Variants in IRAK1BP1 observed in about 807,000 individuals in gnomAD.
The protein encoded by IRAK1BP1 is interleukin 1 receptor associated kinase 1 binding protein 1, also known as interleukin-1 receptor-associated kinase 1-binding protein 1.
A neutral mutation model predicts 28.0 loss-of-function variants in IRAK1BP1; 24 were observed. That is an observed-to-expected ratio of 0.86 (90% CI 0.62 to 1.20). The LOEUF (loss-of-function observed/expected upper bound fraction) is 1.20. IRAK1BP1 is among the 50% of genes most tolerant of loss of function. IRAK1BP1 has a pLI of 0.00. For missense variants in IRAK1BP1, 336 were observed against 316.7 expected (o/e 1.06, Z -0.46); for synonymous variants, 131 against 116.3 (o/e 1.13, Z -0.81).
chr6:78,960,238 T>C, the IRAK1BP1 span, among the ~76,000 whole-genome samples: 1 of 152,202 alleles, frequency 6.6e-6, no homozygotes, highest in Admixed American at 6.6e-5. Context: ...GCAATTATCA[T>C]GTTGAGCAAT....
chr6:78,936,948 A>C (rs1346814232), intron 4 of IRAK1BP1: 1 of 151,822 alleles, frequency 6.6e-6, no homozygotes, highest in Non-Finnish European at 1.5e-5. Context: ...GTATTTTTCA[A>C]ATTTTAATGG....
At chr6:78,904,859 T>C (rs537086972), downstream of IRAK1BP1, among the ~76,000 whole-genome samples, 1 of 152,316 alleles carries the variant, frequency 6.6e-6, no homozygotes, top group Non-Finnish European at 1.5e-5. Context: ...ATATATCAAA[T>C]ATTTCACTAG....
the IRAK1BP1 span, chr6:78,961,593 T>C: frequency 8.5e-7 from 1 of 1,181,294 alleles, no homozygotes; most frequent in Non-Finnish European, 1.2e-6. Flanking sequence ...TGTGCATTCC[T>C]ATATACAAAA....
At chr6:78,929,655 G>A (rs188922002) in intron 4 of IRAK1BP1, among the ~76,000 whole-genome samples, 24 of 152,058 alleles carry the variant, frequency 1.6e-4, no homozygotes, top group African/African-American at 5.6e-4. Context: ...TAACAAACTT[G>A]CTCATGTACC....
At chr6:78,973,207 A>T in the IRAK1BP1 span, among the ~76,000 whole-genome samples, 1 of 152,140 alleles carries the variant, frequency 6.6e-6, no homozygotes, top group Non-Finnish European at 1.5e-5. Flanking sequence ...GCCAGAAGAG[A>T]GTGGGGGCCA....
intron 2 of IRAK1BP1, among the ~76,000 whole-genome samples, chr6:78,891,443 T>C (rs553349471): frequency 6.6e-6 from 1 of 151,644 alleles, no homozygotes; most frequent in East Asian, 1.9e-4. Context: ...TTTCATGTTA[T>C]AACCTTAGTG....
chr6:78,874,941 A>G (rs1770940953), intron 1 of IRAK1BP1, among the ~76,000 whole-genome samples: 1 of 152,200 alleles, frequency 6.6e-6, no homozygotes, highest in South Asian at 2.1e-4. Context: ...GAAACTATCA[A>G]CAGAGTAAAC....
At chr6:78,946,856 G>A (rs1281832622), downstream of IRAK1BP1, 2 of 1,566,254 alleles carry the variant, frequency 1.3e-6, no homozygotes, top group Non-Finnish European at 1.7e-6. Context: ...GCAGACAGGC[G>A]CAAACTCATG....
At chr6:78,891,439 G>C (rs980926777) in intron 2 of IRAK1BP1, among the ~76,000 whole-genome samples, 6 of 151,370 alleles carry the variant, frequency 4.0e-5, no homozygotes, top group African/African-American at 1.5e-4. Flanking sequence ...TTATTTTCAT[G>C]TTATAACCTT....
intron 4 of IRAK1BP1, among the ~76,000 whole-genome samples, chr6:78,909,930 T>C (rs1772359726): frequency 6.6e-6 from 1 of 152,214 alleles, no homozygotes; most frequent in Non-Finnish European, 1.5e-5. Context: ...TGGCATCTTT[T>C]CATTACAGTA....
Position 78,902,810 on chromosome 6 carries a change from A to G in IRAK1BP1, c.*4476A>G. The G allele has an allele frequency of 3.7e-6, 1 of 272,874 alleles. No homozygotes were observed. The allele number at this position is 272,874 out of a possible 1,614,324, so 16.9% of individuals were successfully genotyped here. ...TACATACATACATACATACATACATACATACATACATAAAATGCCCAGTAT... is the reference window on the plus strand; with the variant it reads ...TACATACATACATACATACATACATGCATACATACATAAAATGCCCAGTAT... On this transcript the variant is annotated 3_prime_UTR_variant, in exon 4 of 4. Coordinates refer to ENST00000369940, the MANE Select transcript of IRAK1BP1 (RefSeq NM_001010844.4).
chr6:78,883,090 C>G (rs1771287990), intron 1 of IRAK1BP1, among the ~76,000 whole-genome samples: 1 of 152,160 alleles, frequency 6.6e-6, no homozygotes, highest in Admixed American at 6.6e-5. Flanking sequence ...GATCCTATCT[C>G]TACAAAAATT....
chr6:78,928,587 T>C (rs1772954942), intron 4 of IRAK1BP1, among the ~76,000 whole-genome samples: 1 of 152,098 alleles, frequency 6.6e-6, no homozygotes, highest in South Asian at 2.1e-4. Flanking sequence ...GTGTCCTTGT[T>C]GTATTCCAGA....
At chr6:78,967,383 T>TA in the IRAK1BP1 span, among the ~76,000 whole-genome samples, 1 of 152,330 alleles carries the variant, frequency 6.6e-6, no homozygotes, top group East Asian at 1.9e-4. Context: ...CTTATGACCC[T>TA]ACACAGACTG....
intron 1 of IRAK1BP1, among the ~76,000 whole-genome samples, chr6:78,872,315 G>A (rs1770821363): frequency 6.6e-6 from 1 of 152,092 alleles, no homozygotes; most frequent in African/African-American, 2.4e-5. Flanking sequence ...GCAAATCTTT[G>A]TCTTAGGATA....
At chr6:78,969,101 T>C in the IRAK1BP1 span, among the ~76,000 whole-genome samples, 2 of 152,352 alleles carry the variant, frequency 1.3e-5, no homozygotes, top group Admixed American at 6.5e-5. Flanking sequence ...GAACATGAGA[T>C]GTAAATTTTC....
chr6:78,910,975 A>G (rs1452443569), intron 4 of IRAK1BP1, among the ~76,000 whole-genome samples: 3 of 152,316 alleles, frequency 2.0e-5, no homozygotes, highest in Non-Finnish European at 2.9e-5. Flanking sequence ...CCGCGGTCCA[A>G]CTGAGCTTTA....
chr6:78,936,563 A>T (rs939364589), intron 4 of IRAK1BP1: 1 of 151,892 alleles, frequency 6.6e-6, no homozygotes, highest in African/African-American at 2.4e-5. Flanking sequence ...TCAGCCATGC[A>T]CTAAGTATTT....
At chr6:78,976,361 T>C in the IRAK1BP1 span, among the ~76,000 whole-genome samples, 1 of 138,296 alleles carries the variant, frequency 7.2e-6, no homozygotes, top group Admixed American at 7.4e-5. Context: ...TTACACCTTA[T>C]ACAAAAATCA....
Sources: allele counts gnomAD v4.1 joint callset (sites outside exome capture counted in the v4.1 genomes callset), GRCh38; gene constraint gnomAD v4.1.1; transcripts MANE v1.5; gene names NCBI Gene and HGNC (gene_info 2026-07-23, HGNC 2026-07-21).